Variants in DST observed in about 807,000 individuals in gnomAD.
DST encodes bullous pemphigoid antigen.
Under a neutral mutation model 875.2 loss-of-function variants are expected in DST, and 253 were observed. The observed-to-expected ratio is 0.29, with a 90% CI of 0.26 to 0.32. DST has a LOEUF of 0.32. Among genes scored for constraint, DST ranks in the 10% least tolerant of loss-of-function variants. DST has a pLI of 1.00. For missense variants in DST, 8,287 were observed against 9,111.6 expected, an observed-to-expected ratio of 0.91 and a Z score of 3.68; for synonymous variants, 3,124 against 3,197.1, an observed-to-expected ratio of 0.98 and a Z score of 0.77.
intron 4 of DST, among the ~76,000 whole-genome samples, chr6:56,774,354 A>G (rs992831491): frequency 1.3e-5 from 2 of 152,094 alleles, no homozygotes; most frequent in Non-Finnish European, 2.9e-5. Flanking sequence ...ACAATATTCC[A>G]GCCAACTTGC....
intron 77 of DST, 131 bp downstream of exon 77, chr6:56,506,312 C>T (rs538081195): frequency 1.0e-4 from 66 of 637,978 alleles, no homozygotes; most frequent in Non-Finnish European, 1.6e-4. Flanking sequence ...GATACACAGG[C>T]AACTGCAGGA....
Position 56,458,989 on chromosome 6 carries a change from G to C in DST, c.*16C>G, listed in dbSNP as rs1161034902. The C allele has an allele frequency of 1.3e-6, 2 of 1,582,016 alleles. No individual in the cohort carries two copies. Among genetic ancestry groups the C allele is most frequent in the Non-Finnish European group, 1.7e-6 (2 of 1,160,682 alleles). On this transcript the variant is annotated 3_prime_UTR_variant, in exon 104 of 104. Coordinates refer to ENST00000680361, the MANE Select transcript of DST (RefSeq NM_001374736.1). ...TAATAAATGCTCAAGGAAGGGCCTT[G>C]GTAGAACCAATTGCACTATCTCTTT...
intron 62 of DST, 41 bp from the exon 63 acceptor site, chr6:56,535,333 C>T (rs373323878): frequency 2.6e-6 from 4 of 1,532,066 alleles, no homozygotes; most frequent in African/African-American, 1.4e-5. Flanking sequence ...ATTTGTTTCA[C>T]AAAATAATGC....
chr6:56,646,258 C>G (rs1377590981), intron 13 of DST, 76 bp from the exon 14 acceptor site: 3 of 804,530 alleles, frequency 3.7e-6, no homozygotes, highest in Non-Finnish European at 5.8e-6. Context: ...GCCACCACTT[C>G]AAGTGTTATG....
chr6:56,847,326 A>C (rs2099808234), intron 4 of DST, among the ~76,000 whole-genome samples: 1 of 152,202 alleles, frequency 6.6e-6, no homozygotes, highest in Non-Finnish European at 1.5e-5. Flanking sequence ...ACTCATAAAT[A>C]AATTTTTAAA....
At chr6:56,562,977 C>T (rs887744203) in intron 55 of DST, among the ~76,000 whole-genome samples, 6 of 152,086 alleles carry the variant, frequency 3.9e-5, no homozygotes, top group African/African-American at 1.4e-4. Flanking sequence ...TTTTCTTTAT[C>T]CAGTCTATCA....
intron 4 of DST, among the ~76,000 whole-genome samples, chr6:56,837,479 A>G (rs2099795055): frequency 2.0e-5 from 3 of 151,944 alleles, no homozygotes; most frequent in Admixed American, 2.0e-4. Flanking sequence ...CTTCCCTTCC[A>G]CTCAGTCCTC....
rs1824256052 is a variant in DST, at chr6:56,954,534, G to A, written c.54C>T (p.Ala18=). 1 of 1,367,444 alleles carries A rather than the reference G, an allele frequency of 7.3e-7. No individual in the cohort carries two copies. The highest frequency in any genetic ancestry group is 9.8e-7 in the Non-Finnish European group (1 of 1,021,802). 84.7% of individuals were successfully genotyped at this position (1,367,444 alleles called of 1,614,324 possible). A position where few individuals can be genotyped will look rare whatever the true frequency, so the allele number is the denominator to read the frequency against. Residue 18 remains alanine, a synonymous_variant, in exon 1 of 104, where the codon GCC becomes GCT. Coordinates refer to ENST00000680361, the MANE Select transcript of DST (RefSeq NM_001374736.1). ...VLLRPYSIQC[A]LFLLLLLLGT... ...CCAGCAGAAGCAACAAGAGGAAGAG[G>A]GCACATTGGATGCTGTAGGGTCTCA...
chr6:56,567,040 T>C (rs767915199), intron 55 of DST, among the ~76,000 whole-genome samples: 6 of 152,172 alleles, frequency 3.9e-5, no homozygotes, highest in Non-Finnish European at 5.9e-5. Context: ...GCCAAACTGA[T>C]GGGAATAATA....
chr6:56,617,159 T>A (rs748758467), intron 36 of DST: 1 of 1,602,464 alleles, frequency 6.2e-7, no homozygotes, highest in South Asian at 1.1e-5. Flanking sequence ...AAGCTTAGCT[T>A]CCACCAACTG....
intron 98 of DST, chr6:56,467,474 C>T (rs534935392): frequency 2.0e-5 from 3 of 152,018 alleles, no homozygotes; most frequent in Non-Finnish European, 4.4e-5. Flanking sequence ...AACATTGAGA[C>T]TTAAACTTTC....
chr6:56,476,116 G>A, intron 92 of DST, 33 bp downstream of exon 92: 1 of 1,525,732 alleles, frequency 6.6e-7, no homozygotes, highest in South Asian at 1.3e-5. Context: ...CTGAGATAAT[G>A]GTTAACAGGA....
At chr6:56,949,596 C>T (rs1821336407) in intron 2 of DST, among the ~76,000 whole-genome samples, 1 of 152,120 alleles carries the variant, frequency 6.6e-6, no homozygotes, top group Non-Finnish European at 1.5e-5. Flanking sequence ...GTACTTTGGA[C>T]AGAAAGAGAA....
intron 61 of DST, among the ~76,000 whole-genome samples, chr6:56,547,183 G>A (rs946035739): frequency 9.9e-5 from 15 of 152,276 alleles, no homozygotes; most frequent in African/African-American, 3.6e-4. Flanking sequence ...GTGAAAAAGA[G>A]GGTATCCACC....
intron 4 of DST, among the ~76,000 whole-genome samples, chr6:56,795,109 G>A (rs2099737442): frequency 6.6e-6 from 1 of 152,066 alleles, no homozygotes; most frequent in Admixed American, 6.6e-5. Context: ...AACAGAGCAA[G>A]GAAGGGAGAT....
Position 56,911,211 on chromosome 6 carries a change from G to C in DST, c.217-10590C>G, listed in dbSNP as rs555984816. On this transcript the variant is annotated intron_variant, in intron 2 of 103. Coordinates refer to ENST00000680361, the MANE Select transcript of DST (RefSeq NM_001374736.1). The stretch of plus-strand genomic sequence containing the variant: ...CAAGGGAGGAAGGGAAGGAGGAAGG[G>C]AGGGAATTAATTCTATAGATCAGTG... Among the ~76,000 whole-genome samples, 44 of 152,310 alleles carry C rather than the reference G, an allele frequency of 2.9e-4. 1 individual carries two copies. The South Asian group carries it at 9.1e-3, about 32-fold the overall frequency.
Position 56,561,565 on chromosome 6 carries a change from A to C in DST, c.14069-16T>G, listed in dbSNP as rs112348791. On this transcript the variant is annotated splice_polypyrimidine_tract_variant and intron_variant, in intron 56 of 103. Transcript: ENST00000680361. ...GATGTTAAACCTAGGAGTAAGAAAA[A>C]CAACTATACTGACACATTTTCAGGA... 628 of 1,597,718 alleles carry C rather than the reference A, an allele frequency of 3.9e-4. 1 individual carries two copies. The African/African-American group carries it at 7.6e-3, about 19-fold the overall frequency.
chr6:56,483,857 A>G (rs1368015170), intron 88 of DST: 1 of 152,108 alleles, frequency 6.6e-6, no homozygotes, highest in Non-Finnish European at 1.5e-5. Context: ...TTCAACTCTA[A>G]CAGTTAAAAT....
Position 56,598,726 on chromosome 6 carries a change from A to T in DST, c.11695-17T>A. ...CTGTAATTCCTTATAACACAAAAGG[A>T]AAAAATATATTTTATTAAATTATTA... On this transcript the variant is annotated splice_polypyrimidine_tract_variant and intron_variant, in intron 45 of 103. Transcript: ENST00000680361. 6.9e-7 allele frequency: 1 copy of T among 1,442,414 alleles called. No individual in the cohort carries two copies. The highest frequency in any genetic ancestry group is 9.4e-7 in the Non-Finnish European group (1 of 1,063,240). 89.4% of individuals were successfully genotyped at this position (1,442,414 alleles called of 1,614,324 possible). A position where few individuals can be genotyped will look rare whatever the true frequency, so the allele number is the denominator to read the frequency against.
Sources: allele counts gnomAD v4.1 joint callset (sites outside exome capture counted in the v4.1 genomes callset), GRCh38; gene constraint gnomAD v4.1.1; transcripts MANE v1.5; gene names NCBI Gene and HGNC (gene_info 2026-07-23, HGNC 2026-07-21).